Variants in PTPRO observed in about 807,000 individuals in gnomAD.
The protein encoded by PTPRO is protein tyrosine phosphatase receptor type O, also known as receptor-type tyrosine-protein phosphatase O.
A neutral mutation model predicts 145.2 loss-of-function variants in PTPRO; 62 were observed. The observed-to-expected ratio is 0.43, with a 90% CI of 0.35 to 0.53. The LOEUF (loss-of-function observed/expected upper bound fraction) is 0.53. Among genes scored for constraint, PTPRO ranks in the 20% least tolerant of loss-of-function variants. PTPRO has a pLI of 0.01. For synonymous variants in PTPRO, 565 were observed against 514.7 expected (o/e 1.10, Z -1.32); for missense variants, 1,345 against 1,482.7 (o/e 0.91, Z 1.53).
At position 15,431,904 on chromosome 12, in the gene PTPRO, A is replaced by C. The variant is rs544675411; in HGVS notation, c.76-52070A>C. On this transcript the variant is annotated intron_variant, in intron 1 of 26. Coordinates refer to ENST00000281171, the MANE Select transcript of PTPRO (RefSeq NM_030667.3). ...TACTGCATATTATAACATGGTGTTAATAATCTTAAGTAATATTCCATGGCC... is the reference window on the plus strand; with the variant it reads ...TACTGCATATTATAACATGGTGTTACTAATCTTAAGTAATATTCCATGGCC... Among the ~76,000 whole-genome samples, 252 of 152,306 alleles carry C rather than the reference A, an allele frequency of 1.7e-3. 1 individual carries two copies. Among genetic ancestry groups the C allele is most frequent in the Non-Finnish European group, 2.2e-3 (147 of 68,018 alleles).
chr12:15,445,887 G>T (rs1428086719), intron 1 of PTPRO, among the ~76,000 whole-genome samples: 1 of 151,972 alleles, frequency 6.6e-6, no homozygotes, highest in East Asian at 1.9e-4. Context: ...TAAAATGGGA[G>T]GACAGAAACA....
chr12:15,544,118 AGAGCCAG>A (rs1943231275), intron 12 of PTPRO, among the ~76,000 whole-genome samples: 1 of 152,216 alleles, frequency 6.6e-6, no homozygotes, highest in African/African-American at 2.4e-5. Flanking sequence ...AGAATTGATT[AGAGCCAG>A]GGAAAAAGAG....
At position 15,501,633 on chromosome 12, in the gene PTPRO, T is replaced by A. The variant is rs768626845; in HGVS notation, c.675T>A (p.Pro225=). 6.2e-7 allele frequency: 1 copy of A among 1,613,514 alleles called. No homozygotes were observed. The highest frequency in any genetic ancestry group is 8.5e-7 in the Non-Finnish European group (1 of 1,179,512). ...PKQHRTAPYP[P]QNISVRIVNL... Reference sequence around the variant, plus strand: ...TCTCTCTTACAGCCCCTTATCCACCTCAAAATATTTCCGTTCGTATCGTAA... The same window carrying A: ...TCTCTCTTACAGCCCCTTATCCACCACAAAATATTTCCGTTCGTATCGTAA... Residue 225 remains proline (P), a synonymous_variant, in exon 5 of 27, where the codon CCT becomes CCA. Coordinates refer to ENST00000281171, the MANE Select transcript of PTPRO (RefSeq NM_030667.3).
intron 9 of PTPRO, among the ~76,000 whole-genome samples, chr12:15,517,845 C>A (rs182471905): frequency 3.9e-5 from 6 of 152,346 alleles, no homozygotes; most frequent in Admixed American, 3.3e-4. Flanking sequence ...ATATATCCCC[C>A]CTCCTGGCTG....
chr12:15,380,025 G>C (rs1364497185), intron 1 of PTPRO, among the ~76,000 whole-genome samples: 2 of 151,938 alleles, frequency 1.3e-5, no homozygotes, highest in African/African-American at 4.8e-5. Context: ...TATGTTTATT[G>C]CTTCCATGAG....
At chr12:15,346,208 T>C (rs866112493) in intron 1 of PTPRO, among the ~76,000 whole-genome samples, 37 of 152,202 alleles carry the variant, frequency 2.4e-4, no homozygotes, top group African/African-American at 8.9e-4. Flanking sequence ...TCCAACTATC[T>C]GCTAAATTTT....
chr12:15,451,342 A>G (rs1371802999), intron 1 of PTPRO, among the ~76,000 whole-genome samples: 1 of 152,178 alleles, frequency 6.6e-6, no homozygotes, highest in African/African-American at 2.4e-5. Context: ...CCAAATTTAT[A>G]AAACAATTGC....
chr12:15,569,991 G>A (rs1591751103), intron 19 of PTPRO, among the ~76,000 whole-genome samples: 1 of 152,072 alleles, frequency 6.6e-6, no homozygotes, highest in Non-Finnish European at 1.5e-5. Context: ...AATAACTTTT[G>A]TGCAGTTTTA....
At chr12:15,546,972 A>G (rs949015568) in intron 13 of PTPRO, among the ~76,000 whole-genome samples, 13 of 152,190 alleles carry the variant, frequency 8.5e-5, no homozygotes, top group Non-Finnish European at 1.5e-4. Flanking sequence ...TAGGCCATTG[A>G]ATTGATCAAG....
At chr12:15,516,053 C>T (rs1381248016) in intron 8 of PTPRO, among the ~76,000 whole-genome samples, 26 of 131,236 alleles carry the variant, frequency 2.0e-4, no homozygotes, top group Admixed American at 6.3e-4. Flanking sequence ...TGCAGTGGTG[C>T]AATCTCAGTT....
chr12:15,377,939 G>C (rs1363439517), intron 1 of PTPRO, among the ~76,000 whole-genome samples: 1 of 152,008 alleles, frequency 6.6e-6, no homozygotes, highest in African/African-American at 2.4e-5. Flanking sequence ...AAAATACTTT[G>C]AAATGAATGA....
At chr12:15,587,125 A>G in intron 24 of PTPRO, 74 bp downstream of exon 24, 1 of 1,530,996 alleles carries the variant, frequency 6.5e-7, no homozygotes, top group South Asian at 1.1e-5. Flanking sequence ...ACCATTCCAT[A>G]AGCCCTTATC....
At chr12:15,351,152 C>T (rs1010441298) in intron 1 of PTPRO, among the ~76,000 whole-genome samples, 3 of 151,986 alleles carry the variant, frequency 2.0e-5, no homozygotes, top group Non-Finnish European at 2.9e-5. Context: ...AGTGTGCTGC[C>T]GTTCCCAGGA....
At chr12:15,446,774 T>G (rs1048384768) in intron 1 of PTPRO, among the ~76,000 whole-genome samples, 1 of 151,040 alleles carries the variant, frequency 6.6e-6, no homozygotes, top group Non-Finnish European at 1.5e-5. Context: ...TTTTTATTTA[T>G]TAAAATATTT....
At chr12:15,420,725 T>C (rs1210345827) in intron 1 of PTPRO, among the ~76,000 whole-genome samples, 1 of 152,204 alleles carries the variant, frequency 6.6e-6, no homozygotes, top group Non-Finnish European at 1.5e-5. Context: ...GAGTAAAACT[T>C]GACATCATAC....
intron 1 of PTPRO, among the ~76,000 whole-genome samples, chr12:15,475,327 A>G (rs1941630051): frequency 6.6e-6 from 1 of 152,220 alleles, no homozygotes; most frequent in Admixed American, 6.5e-5. Context: ...TTTCAATGCT[A>G]CTGGTTACTC....
intron 1 of PTPRO, among the ~76,000 whole-genome samples, chr12:15,458,637 G>A (rs1201907559): frequency 1.3e-5 from 2 of 150,840 alleles, no homozygotes; most frequent in African/African-American, 4.9e-5. Flanking sequence ...AATCCCTCTA[G>A]TGAATTTTTT....
At position 15,524,996 on chromosome 12, in the gene PTPRO, T is replaced by C. The variant is rs376777850; in HGVS notation, c.2043+31T>C. The stretch of plus-strand genomic sequence containing the variant: ...TTTCTTTGAATGCCAGCATTGTGTG[T>C]CTGTAAATTTAGTTTTATGAACTAT... On this transcript the variant is annotated intron_variant, in intron 11 of 26. Coordinates refer to ENST00000281171, the MANE Select transcript of PTPRO (RefSeq NM_030667.3). 8.1e-6 allele frequency: 13 copies of C among 1,610,986 alleles called. No individual in the cohort carries two copies. In the African/African-American group the frequency reaches 1.5e-4, roughly 18 times the overall value.
intron 19 of PTPRO, among the ~76,000 whole-genome samples, chr12:15,574,762 T>G (rs965415391): frequency 6.6e-6 from 1 of 152,220 alleles, no homozygotes; most frequent in Non-Finnish European, 1.5e-5. Flanking sequence ...GGAAAATGAC[T>G]TGTTGGATTT....
Sources: allele counts gnomAD v4.1 joint callset (sites outside exome capture counted in the v4.1 genomes callset), GRCh38; gene constraint gnomAD v4.1.1; transcripts MANE v1.5; gene names NCBI Gene and HGNC (gene_info 2026-07-23, HGNC 2026-07-21).